Variants in DNAJC13 observed in about 807,000 individuals in gnomAD.
DNAJC13 encodes dnaJ homolog subfamily C member 13.
Under a neutral mutation model 290.5 loss-of-function variants are expected in DNAJC13, and 75 were observed. The ratio of observed to expected loss-of-function variants is 0.26; its 90% CI spans 0.21 to 0.31. The LOEUF is 0.31. Ranked by LOEUF, DNAJC13 falls within the 10% of genes least tolerant of loss-of-function variation. The pLI is 1.00. For synonymous variants in DNAJC13, 862 were observed against 892.0 expected, an observed-to-expected ratio of 0.97 and a Z score of 0.60; for missense variants, 2,260 against 2,674.5, an observed-to-expected ratio of 0.85 and a Z score of 3.42.
In DNAJC13 at chr3:132,454,154, A is replaced by T; in HGVS notation, c.929A>T (p.Glu310Val). Residue 310 changes from glutamate (E) to valine (V), a missense_variant, in exon 9 of 56, where the codon GAG (glutamate) becomes GTG (valine). Physicochemically the swap from Glu to Val is moderately radical, Grantham distance 121. Transcript: ENST00000260818. The stretch of plus-strand genomic sequence containing the variant: ...CAAGTACGGAAATATTCTTCAACAG[A>T]GAGGTATTTTTTTTTTTTTAAGTTT... Reference protein sequence around the residue: ...KGQVRKYSSTERDSLLASLLD... With the variant: ...KGQVRKYSSTVRDSLLASLLD... 2 of 1,585,978 alleles carry T rather than the reference A, an allele frequency of 1.3e-6. No individual in the cohort carries two copies. The highest frequency in any genetic ancestry group is 2.4e-5 in the South Asian group (2 of 84,540).
chr3:132,467,118 T>A, intron 19 of DNAJC13, 52 bp from the exon 20 acceptor site: 2 of 1,567,090 alleles, frequency 1.3e-6, no homozygotes. Context: ...ACATAGAGTT[T>A]TAAAATAAAT....
chr3:132,470,894 A>G (rs1199986152), intron 20 of DNAJC13, among the ~76,000 whole-genome samples: 8 of 104,470 alleles, frequency 7.7e-5, no homozygotes, highest in Admixed American at 9.2e-5. Flanking sequence ...CGGGGGGCTG[A>G]CCCCCCCACC....
At chr3:132,443,828 G>C (rs1933152420) in intron 2 of DNAJC13, among the ~76,000 whole-genome samples, 1 of 152,156 alleles carries the variant, frequency 6.6e-6, no homozygotes, top group Non-Finnish European at 1.5e-5. Context: ...AGTTATGACA[G>C]TACTCTGCTG....
At chr3:132,485,994 A>G (rs1934859094) in intron 29 of DNAJC13, among the ~76,000 whole-genome samples, 1 of 148,078 alleles carries the variant, frequency 6.8e-6, no homozygotes, top group Non-Finnish European at 1.5e-5. Context: ...CTCAGTTTAT[A>G]TATTTTTACA....
chr3:132,421,166 T>C (rs575091970), intron 1 of DNAJC13, among the ~76,000 whole-genome samples: 127 of 152,328 alleles, frequency 8.3e-4, no homozygotes, highest in African/African-American at 3.0e-3. Flanking sequence ...ATGTGGTTCA[T>C]TGACCACCTG....
Position 132,439,473 on chromosome 3 carries a change from C to CA in DNAJC13, c.68+4856dup, listed in dbSNP as rs1279560415. On this transcript the variant is annotated intron_variant, in intron 2 of 55. Transcript: ENST00000260818. ...TTTTTCCCCTCGCTCTTGACCCTGC[C>CA]AGTCTTTAAAACTCAGATGAGCTGT... 4.0e-5 allele frequency among the ~76,000 whole-genome samples: 6 copies of CA among 151,602 alleles called. No individual in the cohort carries two copies. In the East Asian group the frequency reaches 1.2e-3, roughly 29 times the overall value.
chr3:132,471,556 A>G (rs1934259098), intron 20 of DNAJC13, among the ~76,000 whole-genome samples: 1 of 133,530 alleles, frequency 7.5e-6, no homozygotes, highest in East Asian at 2.3e-4. Context: ...GACGCTCCTC[A>G]CCTCCCAGAT....
At chr3:132,495,557 A>C (rs1280305549) in intron 35 of DNAJC13, among the ~76,000 whole-genome samples, 1 of 152,172 alleles carries the variant, frequency 6.6e-6, no homozygotes, top group African/African-American at 2.4e-5. Context: ...ATGACATCCA[A>C]TTTCATATCA....
At chr3:132,460,979 C>T (rs924275968) in intron 14 of DNAJC13, 71 bp from the exon 15 acceptor site, 3 of 1,401,440 alleles carry the variant, frequency 2.1e-6, no homozygotes, top group African/African-American at 1.4e-5. Context: ...GAAAGGAACA[C>T]ATTATTGTTA....
intron 1 of DNAJC13, among the ~76,000 whole-genome samples, chr3:132,425,951 G>A (rs1338438614): frequency 3.3e-5 from 5 of 152,156 alleles, no homozygotes; most frequent in Admixed American, 3.3e-4. Flanking sequence ...TCAACTTGAT[G>A]TAGGCTTCTT....
chr3:132,448,247 C>T (rs976702383), intron 5 of DNAJC13, among the ~76,000 whole-genome samples: 1 of 152,136 alleles, frequency 6.6e-6, no homozygotes, highest in South Asian at 2.1e-4. Context: ...TACCAGAGAA[C>T]GTCATACTGC....
At chr3:132,472,946 G>A (rs931272844) in intron 20 of DNAJC13, among the ~76,000 whole-genome samples, 199 bp from the exon 21 acceptor site, 7 of 152,140 alleles carry the variant, frequency 4.6e-5, no homozygotes, top group African/African-American at 1.4e-4. Context: ...AATATATGCT[G>A]TCAAATTATT....
At position 132,478,283 on chromosome 3, in the gene DNAJC13, A is replaced by AC. The variant is rs1374143268; in HGVS notation, c.2709+143_2709+144insC. On this transcript the variant is annotated intron_variant, in intron 24 of 55. Coordinates refer to ENST00000260818, the MANE Select transcript of DNAJC13 (RefSeq NM_015268.4). ...ATTTTTCTGTAATTTATACTTATTTAAATCTGAGTTAGATGAATAGGAAAA... is the reference window on the plus strand; with the variant it reads ...ATTTTTCTGTAATTTATACTTATTTACAATCTGAGTTAGATGAATAGGAAAA... 3.5e-4 allele frequency: 243 copies of AC among 699,386 alleles called. 3 individuals carry two copies. Among genetic ancestry groups the AC allele is most frequent in the South Asian group, 2.6e-3 (95 of 37,030 alleles). The allele number at this position is 699,386 out of a possible 1,614,324, so 43.3% of individuals were successfully genotyped here. A position where few individuals can be genotyped will look rare whatever the true frequency, so the allele number is the denominator to read the frequency against.
Position 132,466,056 on chromosome 3 carries a change from T to G in DNAJC13, c.1954T>G (p.Leu652Val). 2 of 1,613,916 alleles carry G rather than the reference T, an allele frequency of 1.2e-6. No homozygotes were observed. Among genetic ancestry groups the G allele is most frequent in the Non-Finnish European group, 1.7e-6 (2 of 1,179,802 alleles). The change falls in exon 18 of 56, where the codon TTG becomes GTG. Residue 652 changes from leucine (L) to valine (V), a missense_variant. Physicochemically the swap from Leu to Val is conservative, Grantham distance 32. This residue lies in a region of DNAJC13 where 762 missense variants were observed against 964.1 expected (regional missense o/e 0.79). Transcript: ENST00000260818. The part of the protein sequence containing the change: ...TADNATATNL[L>V]KRILPPGLLA... ...TGATAATGCAACTGCAACAAACTTGTTGAAACGCATTTTGGTAAGTCAGTT... is the reference window on the plus strand; with the variant it reads ...TGATAATGCAACTGCAACAAACTTGGTGAAACGCATTTTGGTAAGTCAGTT...
intron 32 of DNAJC13, among the ~76,000 whole-genome samples, chr3:132,491,601 A>G (rs1158115033): frequency 6.6e-6 from 1 of 152,196 alleles, no homozygotes; most frequent in Non-Finnish European, 1.5e-5. Flanking sequence ...GTGGAAACAC[A>G]GAAAAAGGAA....
At chr3:132,420,881 A>G (rs911729277) in intron 1 of DNAJC13, among the ~76,000 whole-genome samples, 3 of 152,178 alleles carry the variant, frequency 2.0e-5, no homozygotes, top group Non-Finnish European at 2.9e-5. Context: ...CCTACACAAC[A>G]TGTCCAGCTT....
intron 3 of DNAJC13, among the ~76,000 whole-genome samples, chr3:132,446,954 C>A (rs1933263134): frequency 6.6e-6 from 1 of 152,006 alleles, no homozygotes; most frequent in Non-Finnish European, 1.5e-5. Flanking sequence ...CAAGAGTAAC[C>A]TGAACATTTA....
intron 43 of DNAJC13, among the ~76,000 whole-genome samples, chr3:132,509,712 C>G (rs1935708795): frequency 6.6e-6 from 1 of 152,210 alleles, no homozygotes; most frequent in African/African-American, 2.4e-5. Context: ...GATTAGTCAG[C>G]AGCTGTCAAC....
intron 29 of DNAJC13, 121 bp downstream of exon 29, chr3:132,484,793 G>A (rs1483145925): frequency 3.4e-6 from 3 of 888,556 alleles, no homozygotes; most frequent in African/African-American, 3.3e-5. Flanking sequence ...AATAGGCCAG[G>A]TGTGGAGTCT....
Sources: gnomAD v4.1 joint callset for allele counts (sites outside exome capture counted in the v4.1 genomes callset) on GRCh38, gnomAD v4.1.1 for gene constraint, gnomAD v4.1.1 regional missense constraint, MANE v1.5 for transcripts, NCBI Gene and HGNC (gene_info 2026-07-23, HGNC 2026-07-21) for gene names.